RBMS1: variants seen among roughly 807,000 people sequenced by gnomAD.
The protein encoded by RBMS1 is RNA-binding motif, single-stranded-interacting protein 1.
A neutral mutation model predicts 62.3 loss-of-function variants in RBMS1; 17 were observed. That is an observed-to-expected ratio of 0.27 (90% CI 0.19 to 0.41). The LOEUF is 0.41. Among genes scored for constraint, RBMS1 ranks in the 10% least tolerant of loss-of-function variants. RBMS1 has a pLI of 1.00. For synonymous variants in RBMS1, 172 were observed against 170.0 expected (o/e 1.01, Z -0.09); for missense variants, 334 against 504.5 (o/e 0.66, Z 3.24).
chr2:160,312,817 A>C (rs1376727194), intron 4 of RBMS1, among the ~76,000 whole-genome samples: 1 of 149,318 alleles, frequency 6.7e-6, no homozygotes, highest in African/African-American at 2.4e-5. Flanking sequence ...TTGACATTTA[A>C]ATTTAAAAAA....
At chr2:160,426,383 T>G (rs1682621533) in intron 1 of RBMS1, among the ~76,000 whole-genome samples, 1 of 150,020 alleles carries the variant, frequency 6.7e-6, no homozygotes, top group Non-Finnish European at 1.5e-5. Flanking sequence ...AAGAAAAGAG[T>G]CTTCTCATAC....
intron 1 of RBMS1, among the ~76,000 whole-genome samples, chr2:160,483,667 T>C (rs956363465): frequency 6.6e-6 from 1 of 152,236 alleles, no homozygotes; most frequent in Non-Finnish European, 1.5e-5. Context: ...ATGGTCACAC[T>C]GGTGCATCTA....
intron 1 of RBMS1, among the ~76,000 whole-genome samples, chr2:160,483,806 A>C (rs1685468093): frequency 6.6e-6 from 1 of 151,956 alleles, no homozygotes; most frequent in South Asian, 2.1e-4. Context: ...AACTGTTCAG[A>C]CCCTTGCTGG....
At chr2:160,339,095 C>T (rs1021686682) in intron 2 of RBMS1, among the ~76,000 whole-genome samples, 3 of 152,146 alleles carry the variant, frequency 2.0e-5, no homozygotes, top group South Asian at 2.1e-4. Context: ...CTCTCCCCAG[C>T]GCCCTCAGCA....
chr2:160,299,174 A>T (rs1689086758), intron 6 of RBMS1, among the ~76,000 whole-genome samples: 1 of 152,192 alleles, frequency 6.6e-6, no homozygotes, highest in African/African-American at 2.4e-5. Context: ...GATTGGAGAG[A>T]GTGATGCATA....
intron 11 of RBMS1, 25 bp downstream of exon 11, chr2:160,278,523 C>G (rs1559306718): frequency 5.1e-6 from 8 of 1,564,940 alleles, no homozygotes; most frequent in Non-Finnish European, 7.0e-6. Context: ...TTTACAGAGA[C>G]ACATGATAAT....
At chr2:160,322,344 G>A (rs373989666) in intron 2 of RBMS1, among the ~76,000 whole-genome samples, 107 of 152,208 alleles carry the variant, frequency 7.0e-4, no homozygotes, top group African/African-American at 7.2e-5. Flanking sequence ...AGGTCTGTAC[G>A]GTACTCAAAT....
chr2:160,450,138 G>A (rs1335872237), intron 1 of RBMS1, among the ~76,000 whole-genome samples: 1 of 152,196 alleles, frequency 6.6e-6, no homozygotes, highest in African/African-American at 2.4e-5. Context: ...GCCACCTGCT[G>A]TATACCAGGC....
At chr2:160,369,831 C>A (rs937639606) in intron 1 of RBMS1, among the ~76,000 whole-genome samples, 1 of 152,084 alleles carries the variant, frequency 6.6e-6, no homozygotes, top group Non-Finnish European at 1.5e-5. Context: ...GAGTGGCGGG[C>A]ATGCACTTGT....
At chr2:160,423,206 C>A (rs1221406336) in intron 1 of RBMS1, among the ~76,000 whole-genome samples, 1 of 151,546 alleles carries the variant, frequency 6.6e-6, no homozygotes, top group African/African-American at 2.4e-5. Flanking sequence ...TTTTCTTTTT[C>A]TTTTCTTTTC....
intron 1 of RBMS1, among the ~76,000 whole-genome samples, chr2:160,391,903 C>G (rs1012254328): frequency 6.6e-6 from 1 of 151,712 alleles, no homozygotes; most frequent in Non-Finnish European, 1.5e-5. Flanking sequence ...GAGGTTGCAC[C>G]GAGCTGAGAT....
chr2:160,398,360 G>T (rs985659466), intron 1 of RBMS1, among the ~76,000 whole-genome samples: 3 of 152,118 alleles, frequency 2.0e-5, no homozygotes, highest in Non-Finnish European at 2.9e-5. Flanking sequence ...AATGAAATTT[G>T]CCATATAACA....
intron 1 of RBMS1, among the ~76,000 whole-genome samples, chr2:160,439,948 G>A (rs930945560): frequency 6.6e-6 from 1 of 151,932 alleles, no homozygotes; most frequent in African/African-American, 2.4e-5. Context: ...GCAGGCACTC[G>A]GCAAGCTGAG....
intron 6 of RBMS1, among the ~76,000 whole-genome samples, chr2:160,298,913 G>A (rs184742803): frequency 6.6e-6 from 1 of 151,324 alleles, no homozygotes; most frequent in East Asian, 1.9e-4. Context: ...GGAGATTCGG[G>A]GAGAAGACAG....
rs181686455 is a variant in RBMS1, at chr2:160,300,662, G to C, written c.629C>G (p.Pro210Arg). 6 of 1,601,168 alleles carry C rather than the reference G, an allele frequency of 3.7e-6. No homozygotes were observed. The highest frequency in any genetic ancestry group is 5.1e-6 in the Non-Finnish European group (6 of 1,175,020). The change falls in exon 6 of 14, where the codon CCA becomes CGA. Residue 210 changes from proline (P) to arginine (R), a missense_variant. Around this residue, in one of 3 missense-constraint regions of RBMS1, gnomAD observed 182 missense variants for 257.7 expected, o/e 0.71. Transcript: ENST00000348849. The part of the protein sequence containing the change: ...HFNGKFIKTP[P>R]GVSAPTEPLL... ...GACAAACAACATACCAGAAACTCCT[G>C]GTGGTGTCTTAATAAATTTTCCATT...
At chr2:160,367,502 TA>T in intron 1 of RBMS1, 111 bp from the exon 2 acceptor site, 1 of 1,488,372 alleles carries the variant, frequency 6.7e-7, no homozygotes, top group Middle Eastern at 2.0e-4. Flanking sequence ...CTTTGAGTTA[TA>T]AATTTTAATT....
chr2:160,457,293 G>C (rs1056783448), intron 1 of RBMS1, among the ~76,000 whole-genome samples: 8 of 152,146 alleles, frequency 5.3e-5, no homozygotes, highest in Admixed American at 1.3e-4. Flanking sequence ...ACCACGCCCA[G>C]CTAATTTTGT....
intron 1 of RBMS1, chr2:160,408,032 G>C (rs545781527): frequency 1.4e-5 from 9 of 644,224 alleles, no homozygotes; most frequent in Non-Finnish European, 1.5e-5. Context: ...CGGCCCCCGC[G>C]CTCTCCCTCC....
intron 9 of RBMS1, chr2:160,284,558 G>C: frequency 1.9e-6 from 1 of 537,478 alleles, no homozygotes; most frequent in Non-Finnish European, 3.4e-6. Flanking sequence ...TGATTCCAAG[G>C]ACTGACCACT....
Sources: allele counts gnomAD v4.1 joint callset (sites outside exome capture counted in the v4.1 genomes callset), GRCh38; gene constraint gnomAD v4.1.1; regional missense constraint gnomAD v4.1.1; transcripts MANE v1.5; gene names NCBI Gene and HGNC (gene_info 2026-07-23, HGNC 2026-07-21).